Variants in TEKT3 observed in about 807,000 individuals in gnomAD.
TEKT3 encodes tektin-3.
Under a neutral mutation model 49.8 loss-of-function variants are expected in TEKT3, and 49 were observed. That is an observed-to-expected ratio of 0.98 (90% CI 0.78 to 1.25). The LOEUF is 1.25. Among genes scored for constraint, TEKT3 ranks in the 50% most tolerant of loss-of-function variants. TEKT3 has a pLI of 0.00. For missense variants in TEKT3, 595 were observed against 629.5 expected (o/e 0.95, Z 0.59); for synonymous variants, 225 against 237.2 (o/e 0.95, Z 0.47).
At chr17:15,333,904 A>G (rs903669220) in intron 2 of TEKT3, among the ~76,000 whole-genome samples, 95 of 151,820 alleles carry the variant, frequency 6.3e-4, no homozygotes, top group African/African-American at 2.0e-3. Context: ...CTGGGACTAC[A>G]GGTGCCCGCC....
intron 1 of TEKT3, 74 bp from the exon 2 acceptor site, chr17:15,340,135 T>C (rs1471458522): frequency 6.6e-6 from 1 of 152,094 alleles, no homozygotes; most frequent in East Asian, 1.9e-4. Flanking sequence ...GGGAGCAAAC[T>C]AAAAGTCCAT....
chr17:15,317,613 G>A (rs1046429410), intron 5 of TEKT3, among the ~76,000 whole-genome samples: 2 of 152,156 alleles, frequency 1.3e-5, no homozygotes, highest in African/African-American at 2.4e-5. Flanking sequence ...CAGCATGGAC[G>A]CTTTTATAAC....
At chr17:15,334,567 A>C (rs1233281962) in intron 2 of TEKT3, among the ~76,000 whole-genome samples, 1 of 152,216 alleles carries the variant, frequency 6.6e-6, no homozygotes, top group Non-Finnish European at 1.5e-5. Context: ...AGATATGTGG[A>C]CTGAGAAAAA....
intron 8 of TEKT3, among the ~76,000 whole-genome samples, chr17:15,306,248 A>T (rs890893557): frequency 9.2e-5 from 14 of 152,112 alleles, no homozygotes; most frequent in African/African-American, 3.4e-4. Context: ...GAACATTTTT[A>T]AATAAAAGTA....
chr17:15,338,454 T>C (rs1162447638), intron 2 of TEKT3: 1 of 151,874 alleles, frequency 6.6e-6, no homozygotes. Flanking sequence ...ACTTTGGTGG[T>C]GCGCATCTTT....
chr17:15,326,757 G>GA lies in TEKT3; in HGVS notation c.663+1234dup, dbSNP rs1347206128. ...TAATGCTTTATAAAGTGCCTGGGCT[G>GA]AAAAAAGAGATTGGGAAGGGCTCCA... is the stretch of plus-strand genomic sequence containing the variant. On this transcript the variant is annotated intron_variant, in intron 4 of 8. Coordinates refer to ENST00000395930, the MANE Select transcript of TEKT3 (RefSeq NM_031898.3). 3.3e-5 allele frequency among the ~76,000 whole-genome samples: 5 copies of GA among 152,230 alleles called. No individual in the cohort carries two copies. The East Asian group carries it at 9.7e-4, about 29-fold the overall frequency.
chr17:15,311,999 T>A (rs1360147132), intron 7 of TEKT3, among the ~76,000 whole-genome samples: 1 of 152,222 alleles, frequency 6.6e-6, no homozygotes, highest in Non-Finnish European at 1.5e-5. Flanking sequence ...TATTTTTGTT[T>A]CTATTAAAGA....
rs776641699 is a variant in TEKT3 at position 15,312,296 on chromosome 17, G to A, written c.1064C>T (p.Ala355Val). Residue 355 changes from alanine (A) to valine (V), a missense_variant, in exon 7 of 9, where the codon GCA becomes GTA. Ala to Val is a moderately conservative substitution (Grantham distance 64). Transcript: ENST00000395930. ...CGTCTGAATCTTATTCTTAGCATCTGCAGTCTCAGCAATGCGATTGGTGAA... is the reference window on the plus strand; with the variant it reads ...CGTCTGAATCTTATTCTTAGCATCTACAGTCTCAGCAATGCGATTGGTGAA... ...LSFTNRIAET[A>V]DAKNKIQTHL... 1.4e-5 allele frequency: 22 copies of A among 1,614,210 alleles called. No individual in the cohort carries two copies. Among genetic ancestry groups the A allele is most frequent in the Middle Eastern group, 3.3e-4 (2 of 6,062 alleles).
Position 15,331,296 on chromosome 17 carries a change from T to C in TEKT3, c.290A>G (p.Asp97Gly), listed in dbSNP as rs1426816115. 8.7e-6 allele frequency: 14 copies of C among 1,614,084 alleles called. No homozygotes were observed. The highest frequency in any genetic ancestry group is 1.2e-5 in the Non-Finnish European group (14 of 1,180,044). ...RTTFFTRYTP[D>G]DWYRSNLTNY... ...GGTTAAATTGGACCTGTACCAGTCATCCGGTGTGTATCTTGTGAAGAAAGT... is the reference window on the plus strand; with the variant it reads ...GGTTAAATTGGACCTGTACCAGTCACCCGGTGTGTATCTTGTGAAGAAAGT... Residue 97 changes from aspartate (D) to glycine (G), a missense_variant, in exon 3 of 9, where the codon GAT (aspartate) becomes GGT (glycine). Transcript: ENST00000395930.
intron 4 of TEKT3, among the ~76,000 whole-genome samples, chr17:15,324,130 C>T (rs1911386262): frequency 6.6e-6 from 1 of 152,200 alleles, no homozygotes; most frequent in Admixed American, 6.5e-5. Context: ...TAAGCAACCA[C>T]AAACCTACTT....
At chr17:15,339,529 G>A (rs952675820) in intron 2 of TEKT3, among the ~76,000 whole-genome samples, 7 of 152,192 alleles carry the variant, frequency 4.6e-5, no homozygotes, top group African/African-American at 1.4e-4. Flanking sequence ...ATCACACAGA[G>A]ATTTTAAGAA....
Position 15,303,963 on chromosome 17 carries a change from G to A in TEKT3, c.1446C>T (p.Asn482=), listed in dbSNP as rs774154928. 2.5e-6 allele frequency: 4 copies of A among 1,613,990 alleles called. No homozygotes were observed. Among genetic ancestry groups the A allele is most frequent in the African/African-American group, 2.7e-5 (2 of 74,924 alleles). The part of the protein sequence containing the change: ...KCMSMRKSYP[N]TLRLVGFC ...AGCAGAAGCCGACCAGCCGGAGGGT[G>A]TTGGGGTAGCTCTTGCGCATGCTCA... Residue 482 remains asparagine, a synonymous_variant, in exon 9 of 9, where the codon AAC becomes AAT. Transcript: ENST00000395930.
At chr17:15,342,419 A>G (rs576419010), upstream of TEKT3, among the ~76,000 whole-genome samples, 26 of 152,228 alleles carry the variant, frequency 1.7e-4, no homozygotes, top group Non-Finnish European at 3.1e-4. Flanking sequence ...TAGTAATGCT[A>G]AAGAAAATAA....
chr17:15,312,572 C>A (rs372661928), intron 6 of TEKT3, 91 bp from the exon 7 acceptor site: 19 of 1,140,776 alleles, frequency 1.7e-5, no homozygotes, highest in Non-Finnish European at 2.1e-5. Context: ...GAGAGAGAAA[C>A]CCCCAGGTCG....
chr17:15,312,275 T>A lies in TEKT3; in HGVS notation c.1085A>T (p.Gln362Leu). ...TTGATTTACCTTTGCTAAGTGCGTC[T>A]GAATCTTATTCTTAGCATCTGCAGT... ...AETADAKNKI[Q>L]THLAKTLQEI... is the part of the protein sequence containing the mutation. Residue 362 changes from glutamine to leucine, a missense_variant, in exon 7 of 9, where the codon CAG becomes CTG. Coordinates refer to ENST00000395930, the MANE Select transcript of TEKT3 (RefSeq NM_031898.3). 6.2e-7 allele frequency: 1 copy of A among 1,614,230 alleles called. No individual in the cohort carries two copies. Among genetic ancestry groups the A allele is most frequent in the Non-Finnish European group, 8.5e-7 (1 of 1,180,036 alleles).
intron 5 of TEKT3, among the ~76,000 whole-genome samples, chr17:15,318,562 T>C (rs988811629): frequency 6.6e-6 from 1 of 151,958 alleles, no homozygotes; most frequent in Non-Finnish European, 1.5e-5. Flanking sequence ...TGAGACAGAG[T>C]CTGTCTCTGT....
intron 8 of TEKT3, 39 bp downstream of exon 8, chr17:15,308,625 C>G: frequency 6.3e-7 from 1 of 1,586,490 alleles, no homozygotes; most frequent in Non-Finnish European, 8.6e-7. Context: ...GGTCTGGTGG[C>G]CCTCCGAGCG....
At chr17:15,308,551 A>C (rs1910633097) in intron 8 of TEKT3, 113 bp downstream of exon 8, 1 of 1,395,668 alleles carries the variant, frequency 7.2e-7, no homozygotes. Flanking sequence ...CCATTCTCAC[A>C]GAAGGCTCCT....
At chr17:15,329,799 T>C (rs2150749321) in intron 3 of TEKT3, among the ~76,000 whole-genome samples, 1 of 152,196 alleles carries the variant, frequency 6.6e-6, no homozygotes, top group East Asian at 1.9e-4. Flanking sequence ...ACAGATGCTG[T>C]GGTAGAGAAC....
Sources: allele counts gnomAD v4.1 joint callset (sites outside exome capture counted in the v4.1 genomes callset), GRCh38; gene constraint gnomAD v4.1.1; transcripts MANE v1.5; gene names NCBI Gene and HGNC (gene_info 2026-07-23, HGNC 2026-07-21).